Variants in TRIM5 observed in about 807,000 individuals in gnomAD.
The protein encoded by TRIM5 is tripartite motif containing 5.
Under a neutral mutation model 35.6 loss-of-function variants are expected in TRIM5, and 31 were observed. That is an observed-to-expected ratio of 0.87 (90% confidence interval 0.65 to 1.18). The LOEUF is 1.18. Ranked by LOEUF, TRIM5 falls within the 50% of genes most tolerant of loss-of-function variation. The pLI, the probability that TRIM5 is intolerant of heterozygous loss-of-function variation, is 0.00. For synonymous variants in TRIM5, 243 were observed against 215.6 expected (o/e 1.13, Z -1.11); for missense variants, 609 against 591.6 (o/e 1.03, Z -0.31).
At chr11:5,655,629 C>T in the TRIM5 span, 2 of 985,022 alleles carry the variant, frequency 2.0e-6, no homozygotes, top group South Asian at 4.7e-5. Context: ...GATTGCCATG[C>T]TCCTCAGCGT....
chr11:5,639,922 T>C, the TRIM5 span, among the ~76,000 whole-genome samples: 65 of 152,194 alleles, frequency 4.3e-4, no homozygotes, highest in Admixed American at 3.5e-3. Flanking sequence ...ATTACATCAG[T>C]ACATCAGAGT....
intron 1 of TRIM5, among the ~76,000 whole-genome samples, chr11:5,683,764 C>T (rs1227227837): frequency 6.6e-6 from 1 of 152,108 alleles, no homozygotes; most frequent in Non-Finnish European, 1.5e-5. Flanking sequence ...CCAATCAGTG[C>T]CCTGTCAAAA....
chr11:5,598,024 G>C, the TRIM5 span, among the ~76,000 whole-genome samples: 1 of 152,178 alleles, frequency 6.6e-6, no homozygotes, highest in African/African-American at 2.4e-5. Flanking sequence ...ACCTTTTTCA[G>C]GCGTCTGGTT....
At chr11:5,600,615 A>G in the TRIM5 span, among the ~76,000 whole-genome samples, 1 of 152,154 alleles carries the variant, frequency 6.6e-6, no homozygotes. Context: ...AGTTTGATAT[A>G]CTTTTTAAAT....
the TRIM5 span, among the ~76,000 whole-genome samples, chr11:5,600,805 C>T: frequency 5.3e-5 from 8 of 152,102 alleles, no homozygotes; most frequent in African/African-American, 7.2e-5. Context: ...AGCGAGGTCA[C>T]GCCTGGAACC....
chr11:5,657,721 T>TA, the TRIM5 span, among the ~76,000 whole-genome samples: 1 of 133,642 alleles, frequency 7.5e-6, no homozygotes, highest in East Asian at 2.0e-4. Context: ...TATATATATA[T>TA]TATATTGTAT....
chr11:5,634,530 CATATATATAT>C, the TRIM5 span: 3 of 262,006 alleles, frequency 1.1e-5, no homozygotes, highest in African/African-American at 9.9e-5. Flanking sequence ...CACACACACA[CATATATATAT>C]ATATATATTT....
the TRIM5 span, among the ~76,000 whole-genome samples, chr11:5,597,777 C>T: frequency 6.6e-6 from 1 of 152,122 alleles, no homozygotes; most frequent in African/African-American, 2.4e-5. Flanking sequence ...AAAGATGCTT[C>T]GTATCTAAAT....
At chr11:5,616,167 G>A in the TRIM5 span, among the ~76,000 whole-genome samples, 1 of 142,850 alleles carries the variant, frequency 7.0e-6, no homozygotes, top group Admixed American at 7.1e-5. Flanking sequence ...TGGCCAGGAT[G>A]GTCTCGATCT....
At chr11:5,661,880 A>G (rs1291196690), downstream of TRIM5, among the ~76,000 whole-genome samples, 5 of 152,168 alleles carry the variant, frequency 3.3e-5, no homozygotes, top group Non-Finnish European at 7.4e-5. Flanking sequence ...TGTATATACA[A>G]ATTCAGGTCT....
At chr11:5,633,786 G>A in the TRIM5 span, 3 of 1,611,336 alleles carry the variant, frequency 1.9e-6, no homozygotes, top group African/African-American at 4.0e-5. Context: ...TGACTGTAGT[G>A]TGATTCCCTT....
At chr11:5,641,409 G>T in the TRIM5 span, 1 of 1,211,362 alleles carries the variant, frequency 8.3e-7, no homozygotes, top group South Asian at 2.2e-5. Context: ...GAAGTTCAGA[G>T]CTACAGCCAA....
the TRIM5 span, chr11:5,605,535 C>T: frequency 2.0e-5 from 33 of 1,613,844 alleles, no homozygotes; most frequent in East Asian, 3.8e-4. Flanking sequence ...TCTGGAGCGT[C>T]GATGTCAGGG....
the TRIM5 span, chr11:5,596,080 C>A: frequency 6.6e-6 from 1 of 152,454 alleles, no homozygotes; most frequent in Non-Finnish European, 1.5e-5. Flanking sequence ...ATTTGACCCT[C>A]CTCCTCCCCA....
the TRIM5 span, among the ~76,000 whole-genome samples, chr11:5,624,010 A>G: frequency 6.6e-6 from 1 of 152,192 alleles, no homozygotes; most frequent in Non-Finnish European, 1.5e-5. Context: ...TTCCTCATGA[A>G]AATGGAGCAT....
the TRIM5 span, among the ~76,000 whole-genome samples, chr11:5,641,798 T>A: frequency 6.6e-6 from 1 of 152,210 alleles, no homozygotes; most frequent in Non-Finnish European, 1.5e-5. Context: ...CTTGGAAACA[T>A]CAAGTTTCTT....
chr11:5,657,964 C>G, the TRIM5 span, among the ~76,000 whole-genome samples: 1 of 151,786 alleles, frequency 6.6e-6, no homozygotes, highest in Non-Finnish European at 1.5e-5. Flanking sequence ...TTCAGAATGA[C>G]AGCTGCTAAT....
At chr11:5,636,195 G>A in the TRIM5 span, among the ~76,000 whole-genome samples, 1 of 152,148 alleles carries the variant, frequency 6.6e-6, no homozygotes, top group Non-Finnish European at 1.5e-5. Flanking sequence ...GTTTAGCTGT[G>A]AAAAATAATG....
the TRIM5 span, chr11:5,642,422 C>G: frequency 6.2e-7 from 1 of 1,613,032 alleles, no homozygotes; most frequent in Non-Finnish European, 8.5e-7. Flanking sequence ...GATCTGGAGG[C>G]TGAAAAAGCC....
Sources: allele counts gnomAD v4.1 joint callset (sites outside exome capture counted in the v4.1 genomes callset), GRCh38; gene constraint gnomAD v4.1.1; transcripts MANE v1.5; gene names NCBI Gene and HGNC (gene_info 2026-07-23, HGNC 2026-07-21).